SURF4: variants seen among roughly 807,000 people sequenced by gnomAD.
The protein encoded by SURF4 is surfeit 4, also known as surfeit locus protein 4.
In SURF4, 3 loss-of-function variants were observed where a neutral mutation model predicts 30.0. The ratio of observed to expected loss-of-function variants is 0.10; its 90% confidence interval spans 0.05 to 0.26. The LOEUF (loss-of-function observed/expected upper bound fraction) is 0.26. Among genes scored for constraint, SURF4 ranks in the 10% least tolerant of loss-of-function variants. The pLI is 1.00. For synonymous variants in SURF4, 143 were observed against 139.9 expected, an observed-to-expected ratio of 1.02 and a Z score of -0.16; for missense variants, 217 against 350.8, an observed-to-expected ratio of 0.62 and a Z score of 3.05.
At chr9:133,376,359 G>A (rs964566605), upstream of SURF4, 6 of 1,387,916 alleles carry the variant, frequency 4.3e-6, no homozygotes, top group African/African-American at 6.2e-5. Flanking sequence ...GCGCGGGAGG[G>A]ACGCCTGAGT....
At position 133,362,241 on chromosome 9, in the gene SURF4, G is replaced by A. The variant is rs2130072490; in HGVS notation, c.*1252C>T. ...TCCCCAGATAGGTCTAGGGGCCAGA[G>A]AGGTGTTCGACTACCCTTGTGGCAT... On this transcript the variant is annotated 3_prime_UTR_variant, in exon 6 of 6. Transcript: ENST00000371989. 1.3e-5 allele frequency: 2 copies of A among 152,612 alleles called. No homozygotes were observed. Among genetic ancestry groups the A allele is most frequent in the Admixed American group, 1.3e-4 (2 of 15,308 alleles). The allele number at this position is 152,612 out of a possible 1,614,324, so 9.5% of individuals were successfully genotyped here.
At chr9:133,370,994 G>A in intron 1 of SURF4, 5 of 1,286,804 alleles carry the variant, frequency 3.9e-6, no homozygotes, top group Non-Finnish European at 5.1e-6. Context: ...TTCTCTCAAA[G>A]GGGTGGTTAT....
In SURF4 at chr9:133,362,708, C is replaced by G. The variant is rs1476115933; in HGVS notation, c.*785G>C. On this transcript the variant is annotated 3_prime_UTR_variant, in exon 6 of 6. Coordinates refer to ENST00000371989, the MANE Select transcript of SURF4 (RefSeq NM_033161.4). ...TGCAGGGTGCTGCTGCTGGGGCTACCCCTGTGTGGTCTCACTAGCCCTTCC... is the reference window on the plus strand; with the variant it reads ...TGCAGGGTGCTGCTGCTGGGGCTACGCCTGTGTGGTCTCACTAGCCCTTCC... 1 of 153,302 alleles carries G rather than the reference C, an allele frequency of 6.5e-6. No homozygotes were observed. Among genetic ancestry groups the G allele is most frequent in the African/African-American group, 2.4e-5 (1 of 41,406 alleles). 9.5% of individuals were successfully genotyped at this position (153,302 alleles called of 1,614,324 possible). A position where few individuals can be genotyped will look rare whatever the true frequency, so the allele number is the denominator to read the frequency against.
chr9:133,366,100 A>G, intron 3 of SURF4, 72 bp from the exon 4 acceptor site: 1 of 1,457,190 alleles, frequency 6.9e-7, no homozygotes. Context: ...TTCATAATAC[A>G]TTAGGCCGTC....
At chr9:133,370,160 A>G (rs2130177305) in intron 1 of SURF4, among the ~76,000 whole-genome samples, 183 of 152,292 alleles carry the variant, frequency 1.2e-3, no homozygotes, top group African/African-American at 4.0e-3. Flanking sequence ...AGCCCACGAG[A>G]TTGAGGCAGT....
At chr9:133,365,937 T>G (rs984924038) in intron 4 of SURF4, 48 bp downstream of exon 4, 8 of 1,590,202 alleles carry the variant, frequency 5.0e-6, no homozygotes, top group Non-Finnish European at 6.9e-6. Context: ...TTTGCAATGC[T>G]CAACCTGTAG....
At chr9:133,369,539 T>C (rs2130170510) in intron 1 of SURF4, among the ~76,000 whole-genome samples, 9 of 152,128 alleles carry the variant, frequency 5.9e-5, no homozygotes, top group Non-Finnish European at 1.0e-4. Flanking sequence ...AGGCCCCAAA[T>C]ACTCCCCTGT....
rs2130138677 is a variant in SURF4 at position 133,367,287 on chromosome 9, G to A, written c.207C>T (p.Phe69=). ...WNCGYLLASS[F]VFLNLLGQLT... ...GCTGTCCCAGCAAGTTGAGGAAGACGAAGGACGAGGCCAGCAGGTAGCCGC... is the reference window on the plus strand; with the variant it reads ...GCTGTCCCAGCAAGTTGAGGAAGACAAAGGACGAGGCCAGCAGGTAGCCGC... Residue 69 remains phenylalanine, a synonymous_variant, in exon 2 of 6, where the codon TTC becomes TTT. Transcript: ENST00000371989. The A allele has an allele frequency of 8.1e-6, 13 of 1,614,208 alleles. No homozygotes were observed. The highest frequency in any genetic ancestry group is 4.0e-5 in the African/African-American group (3 of 75,074).
intron 1 of SURF4, chr9:133,375,437 G>C: frequency 1.0e-6 from 1 of 985,494 alleles, no homozygotes; most frequent in Non-Finnish European, 1.2e-6. Context: ...TAGCTGGGGC[G>C]CACGCCAGCG....
chr9:133,377,946 GT>G (rs1424980089), upstream of SURF4, among the ~76,000 whole-genome samples: 1 of 152,144 alleles, frequency 6.6e-6, no homozygotes. Context: ...TCAGGCATTT[GT>G]TTCTCATAAG....
intron 1 of SURF4, among the ~76,000 whole-genome samples, chr9:133,368,416 C>T (rs1338601035): frequency 3.9e-5 from 6 of 152,272 alleles, no homozygotes; most frequent in African/African-American, 9.6e-5. Flanking sequence ...CCCAGCCCGA[C>T]GGAGCTCTCC....
chr9:133,377,750 G>A (rs2130255544), upstream of SURF4, among the ~76,000 whole-genome samples: 51 of 152,240 alleles, frequency 3.3e-4, no homozygotes, highest in African/African-American at 9.9e-4. Flanking sequence ...AGATGGAGGC[G>A]GGAGGATGGT....
chr9:133,365,982 T>C lies in SURF4; in HGVS notation c.356+3A>G. The stretch of plus-strand genomic sequence containing the variant: ...ATACTAAAACCAACCAGAATGCACA[T>C]ACCTCATCAAAAACTTCAAGTCCCA... On this transcript the variant is annotated splice_donor_region_variant and intron_variant, in intron 4 of 5. Coordinates refer to ENST00000371989, the MANE Select transcript of SURF4 (RefSeq NM_033161.4). 6.2e-7 allele frequency: 1 copy of C among 1,613,876 alleles called. No individual in the cohort carries two copies. Among genetic ancestry groups the C allele is most frequent in the Non-Finnish European group, 8.5e-7 (1 of 1,179,864 alleles).
intron 1 of SURF4, chr9:133,370,915 G>A (rs2130184714): frequency 1.8e-5 from 23 of 1,289,592 alleles, no homozygotes; most frequent in African/African-American, 9.1e-5. Flanking sequence ...TCCGAGAACC[G>A]CGCCATCAAG....
chr9:133,366,601 G>A lies in SURF4; in HGVS notation c.310C>T (p.Gln104Ter). Residue 104 changes from glutamine to a stop codon, truncating the protein, a stop_gained and splice_region_variant, in exon 3 of 6, where the codon CAG becomes TAG. Coordinates refer to ENST00000371989, the MANE Select transcript of SURF4 (RefSeq NM_033161.4). LOFTEE classifies it high-confidence loss of function. Reference protein sequence around the residue: ...CFGLFGIIALQTIAYSILWDL... With the variant: ...CFGLFGIIAL ...CCCCGACCACGCGGCCCGTGTACCTGCAGAGCTATGATTCCAAAGAGCCCG... is the reference window on the plus strand; with the variant it reads ...CCCCGACCACGCGGCCCGTGTACCTACAGAGCTATGATTCCAAAGAGCCCG... The A allele has an allele frequency of 1.2e-6, 2 of 1,613,884 alleles. No homozygotes were observed. Among genetic ancestry groups the A allele is most frequent in the Non-Finnish European group, 8.5e-7 (1 of 1,179,980 alleles).
upstream of SURF4, among the ~76,000 whole-genome samples, chr9:133,377,736 C>T (rs1341363285): frequency 6.6e-6 from 1 of 151,916 alleles, no homozygotes; most frequent in Non-Finnish European, 1.5e-5. Flanking sequence ...GACAATTTTT[C>T]CACAGATGGA....
chr9:133,371,012 G>A (rs2130185693), intron 1 of SURF4: 29 of 1,280,986 alleles, frequency 2.3e-5, no homozygotes, highest in Admixed American at 4.7e-5. Context: ...TATTTTAGAC[G>A]ACTGAAGGGG....
intron 1 of SURF4, among the ~76,000 whole-genome samples, chr9:133,370,036 G>A (rs2130175959): frequency 3.9e-5 from 6 of 152,210 alleles, no homozygotes; most frequent in Non-Finnish European, 7.3e-5. Flanking sequence ...CTTCTAAAAT[G>A]AGAGCTGTGA....
chr9:133,367,153 G>T, intron 2 of SURF4, 106 bp downstream of exon 2: 1 of 1,385,140 alleles, frequency 7.2e-7, no homozygotes. Flanking sequence ...GAATGGAGGG[G>T]GGACAGCAGT....
Sources: gnomAD v4.1 joint callset for allele counts (sites outside exome capture counted in the v4.1 genomes callset) on GRCh38, gnomAD v4.1.1 for gene constraint, MANE v1.5 for transcripts, NCBI Gene and HGNC (gene_info 2026-07-23, HGNC 2026-07-21) for gene names.